FGF3: variants seen among roughly 807,000 people sequenced by gnomAD.
FGF3 encodes the protein FGF-3.
FGF3 carries 7 observed loss-of-function variants against 9.8 expected under a neutral mutation model. That is an observed-to-expected ratio of 0.72 (90% CI 0.41 to 1.35). FGF3 has a LOEUF of 1.35. Ranked by LOEUF, FGF3 falls within the 40% of genes most tolerant of loss-of-function variation. The probability of loss-of-function intolerance (pLI) is 0.01; values close to 1 mark genes in which losing one functional copy is unlikely to be tolerated. For missense variants in FGF3, 390 were observed against 345.6 expected (o/e 1.13, Z -1.02); for synonymous variants, 173 against 157.2 (o/e 1.10, Z -0.75).
At position 69,818,703 on chromosome 11, in the gene FGF3, CCGGCACTCACTGTAGGCGCT is replaced by C; in HGVS notation, c.211_220+10del. Reference sequence around the variant, plus strand: ...CGCTTCCCCCGGGGCCCCGCAGCGTCCGGCACTCACTGTAGGCGCTGTTCTCCAGGCTGCCGTTGACGCGG... The same window carrying C: ...CGCTTCCCCCGGGGCCCCGCAGCGTCGTTCTCCAGGCTGCCGTTGACGCGG... On this transcript the variant is annotated splice_donor_variant and splice_donor_5th_base_variant and coding_sequence_variant and intron_variant, in exon 1 of 3. Transcript: ENST00000334134. LOFTEE classifies it high-confidence loss of function. 6.8e-7 allele frequency: 1 copy of C among 1,475,868 alleles called. No individual in the cohort carries two copies. Among genetic ancestry groups the C allele is most frequent in the Non-Finnish European group, 8.9e-7 (1 of 1,119,408 alleles). 91.4% of individuals were successfully genotyped at this position (1,475,868 alleles called of 1,614,324 possible). A position where few individuals can be genotyped will look rare whatever the true frequency, so the allele number is the denominator to read the frequency against.
Position 69,810,597 on chromosome 11 carries a change from G to T in FGF3, c.428C>A (p.Ala143Asp). 6.2e-7 allele frequency: 1 copy of T among 1,611,316 alleles called. No homozygotes were observed. Among genetic ancestry groups the T allele is most frequent in the South Asian group, 1.1e-5 (1 of 90,970 alleles). The change falls in exon 3 of 3, where the codon GCC becomes GAC. Residue 143 changes from alanine (A) to aspartate (D), a missense_variant. Transcript: ENST00000334134. Reference protein sequence around the residue: ...LYRTVSSTPGARRQPSAERLW... With the variant: ...LYRTVSSTPGDRRQPSAERLW... ...TCTCTCGGCGCTGGGCTGCCGGCGG[G>T]CCCCAGGCGTACTAGACACCGTCCG...
intron 1 of FGF3, among the ~76,000 whole-genome samples, chr11:69,816,874 G>A (rs1856142019): frequency 6.6e-6 from 1 of 152,200 alleles, no homozygotes; most frequent in African/African-American, 2.4e-5. Flanking sequence ...CCCAATGCCT[G>A]TGCCTGCCAG....
At chr11:69,812,216 C>A (rs1856040720) in intron 2 of FGF3, among the ~76,000 whole-genome samples, 1 of 152,124 alleles carries the variant, frequency 6.6e-6, no homozygotes, top group South Asian at 2.1e-4. Context: ...GGTCTGTCCC[C>A]ATCTGGGGTG....
intron 2 of FGF3, among the ~76,000 whole-genome samples, chr11:69,812,434 C>T (rs930627289): frequency 1.3e-5 from 2 of 152,114 alleles, no homozygotes; most frequent in Non-Finnish European, 2.9e-5. Context: ...CCCCAAGCCC[C>T]CCTGCTCTCC....
chr11:69,815,783 C>A (rs1856121896), intron 2 of FGF3, among the ~76,000 whole-genome samples: 1 of 152,164 alleles, frequency 6.6e-6, no homozygotes, highest in East Asian at 1.9e-4. Flanking sequence ...AGTAGATAGA[C>A]TGGGTCCCAA....
At position 69,819,040 on chromosome 11, in the gene FGF3, G is replaced by A. The variant is rs1856195024; in HGVS notation, c.-107C>T. On this transcript the variant is annotated 5_prime_UTR_variant, in exon 1 of 3. Transcript: ENST00000334134. ...CGAGGTGCTCGGAGCGGGATCCCGC[G>A]CCTGGAGATGCTGACTCCGGCTTCG... 3 of 643,802 alleles carry A rather than the reference G, an allele frequency of 4.7e-6. No individual in the cohort carries two copies. Among genetic ancestry groups the A allele is most frequent in the Non-Finnish European group, 7.2e-6 (3 of 417,462 alleles). 39.9% of individuals were successfully genotyped at this position (643,802 alleles called of 1,614,324 possible). A position where few individuals can be genotyped will look rare whatever the true frequency, so the allele number is the denominator to read the frequency against.
Position 69,810,599 on chromosome 11 carries a change from C to G in FGF3, c.426G>C (p.Gly142=), listed in dbSNP as rs1554980364. Residue 142 remains glycine (G), a synonymous_variant, in exon 3 of 3, where the codon GGG becomes GGC. Transcript: ENST00000334134. ...RLYRTVSSTP[G]ARRQPSAERL... ...TCTCGGCGCTGGGCTGCCGGCGGGCCCCAGGCGTACTAGACACCGTCCGGT... is the reference window on the plus strand; with the variant it reads ...TCTCGGCGCTGGGCTGCCGGCGGGCGCCAGGCGTACTAGACACCGTCCGGT... The G allele has an allele frequency of 1.2e-6, 2 of 1,611,062 alleles. No homozygotes were observed. Among genetic ancestry groups the G allele is most frequent in the African/African-American group, 2.7e-5 (2 of 74,892 alleles).
chr11:69,810,243 G>C lies in FGF3; in HGVS notation c.*62C>G. On this transcript the variant is annotated 3_prime_UTR_variant, in exon 3 of 3. Transcript: ENST00000334134. ...GGCAAGGGCTCAAGGAGGAGAGTCA[G>C]AGTCAAGAGGCTGCCACGCCAAGAT... 6.9e-7 allele frequency: 1 copy of C among 1,442,502 alleles called. No individual in the cohort carries two copies. The highest frequency in any genetic ancestry group is 2.5e-5 in the East Asian group (1 of 40,024). The allele number at this position is 1,442,502 out of a possible 1,614,324, so 89.4% of individuals were successfully genotyped here.
Position 69,810,199 on chromosome 11 carries a change from C to A in FGF3, c.*106G>T. 12 of 1,134,720 alleles carry A rather than the reference C, an allele frequency of 1.1e-5. 1 individual carries two copies. In the South Asian group the frequency reaches 1.9e-4, roughly 18 times the overall value. 70.3% of individuals were successfully genotyped at this position (1,134,720 alleles called of 1,614,324 possible). A position where few individuals can be genotyped will look rare whatever the true frequency, so the allele number is the denominator to read the frequency against. On this transcript the variant is annotated 3_prime_UTR_variant, in exon 3 of 3. Coordinates refer to ENST00000334134, the MANE Select transcript of FGF3 (RefSeq NM_005247.4). ...AGCTGGCTCTGGAAATAGCTGAGAA[C>A]CCAGACGCGGGACGCAGGGGCAAGG... is the stretch of plus-strand genomic sequence containing the variant.
rs782813347 is a variant in FGF3, at chr11:69,818,875, C to A, written c.59G>T (p.Gly20Val). Residue 20 changes from glycine (G) to valine (V), a missense_variant, in exon 1 of 3, where the codon GGC becomes GTC. Coordinates refer to ENST00000334134, the MANE Select transcript of FGF3 (RefSeq NM_005247.4). ...SLLEPGWPAAGPGARLRRDAG... is the reference protein window; with the variant it reads ...SLLEPGWPAAVPGARLRRDAG... ...ATCGCGCCGCAACCGCGCCCCAGGG[C>A]CCGCTGCGGGCCAGCCGGGCTCCAG... The A allele has an allele frequency of 6.8e-7, 1 of 1,463,722 alleles. No individual in the cohort carries two copies. The highest frequency in any genetic ancestry group is 9.0e-7 in the Non-Finnish European group (1 of 1,114,128). The allele number at this position is 1,463,722 out of a possible 1,614,324, so 90.7% of individuals were successfully genotyped here.
chr11:69,816,242 A>G, intron 2 of FGF3, 78 bp downstream of exon 2: 4 of 1,141,990 alleles, frequency 3.5e-6, no homozygotes, highest in Non-Finnish European at 5.3e-6. Context: ...TACTGCCCAC[A>G]TCCCCCGTCC....
rs1565114969 is a variant in FGF3, at chr11:69,813,764, ATGGG to A, written c.324+2552_324+2555del. Among the ~76,000 whole-genome samples the A allele has an allele frequency of 6.0e-4, 61 of 102,440 alleles. 1 individual carries two copies. Among genetic ancestry groups the A allele is most frequent in the African/African-American group, 1.8e-3 (46 of 25,472 alleles). 67.2% of individuals were successfully genotyped at this position (102,440 alleles called of 152,430 possible). A position where few individuals can be genotyped will look rare whatever the true frequency, so the allele number is the denominator to read the frequency against. On this transcript the variant is annotated intron_variant, in intron 2 of 2. Coordinates refer to ENST00000334134, the MANE Select transcript of FGF3 (RefSeq NM_005247.4). ...GATGGCTGGATGGATGGATGGGTGG[ATGGG>A]TGGATGGATGGATGGATGGATGGAT...
At position 69,819,029 on chromosome 11, in the gene FGF3, C is replaced by A; in HGVS notation, c.-96G>T. ...CCGGACAGCTGCGAGGTGCTCGGAG[C>A]GGGATCCCGCGCCTGGAGATGCTGA... is the stretch of plus-strand genomic sequence containing the variant. On this transcript the variant is annotated 5_prime_UTR_variant, in exon 1 of 3. Coordinates refer to ENST00000334134, the MANE Select transcript of FGF3 (RefSeq NM_005247.4). 1 of 733,942 alleles carries A rather than the reference C, an allele frequency of 1.4e-6. No homozygotes were observed. The highest frequency in any genetic ancestry group is 2.0e-6 in the Non-Finnish European group (1 of 500,446). The allele number at this position is 733,942 out of a possible 1,614,324, so 45.5% of individuals were successfully genotyped here.
rs2119942480 is a variant in FGF3 at position 69,819,216 on chromosome 11, A to G, written c.-283T>C. On this transcript the variant is annotated 5_prime_UTR_variant, in exon 1 of 3. Transcript: ENST00000334134. ...CGTTGCTGCGCAAAGCGCTGAAAGAAAGGACGGTTCGCCAACAAAAGGCCG... is the reference window on the plus strand; with the variant it reads ...CGTTGCTGCGCAAAGCGCTGAAAGAGAGGACGGTTCGCCAACAAAAGGCCG... 6.6e-6 allele frequency among the ~76,000 whole-genome samples: 1 copy of G among 152,126 alleles called. No individual in the cohort carries two copies. Among genetic ancestry groups the G allele is most frequent in the African/African-American group, 2.4e-5 (1 of 41,544 alleles).
intron 2 of FGF3, 41 bp from the exon 3 acceptor site, chr11:69,810,741 T>TTCATTC: frequency 1.3e-6 from 2 of 1,500,914 alleles, no homozygotes; most frequent in South Asian, 2.7e-5. Flanking sequence ...CCGGGGAGAC[T>TTCATTC]GTGGCAGCGT....
chr11:69,816,531 TA>T, intron 1 of FGF3, 108 bp from the exon 2 acceptor site: 2 of 788,710 alleles, frequency 2.5e-6, no homozygotes, highest in Non-Finnish European at 4.4e-6. Context: ...CTGGGGAGGG[TA>T]GCACACACCC....
At chr11:69,810,868 A>C (rs1856019693) in intron 2 of FGF3, among the ~76,000 whole-genome samples, 168 bp from the exon 3 acceptor site, 1 of 152,210 alleles carries the variant, frequency 6.6e-6, no homozygotes, top group African/African-American at 2.4e-5. Flanking sequence ...CCCTCTGCCC[A>C]GCATGTCCTT....
At chr11:69,813,832 G>GGTTGGCTGGATGGA (rs1565115061) in intron 2 of FGF3, among the ~76,000 whole-genome samples, 2 of 112,136 alleles carry the variant, frequency 1.8e-5, no homozygotes, top group Non-Finnish European at 3.9e-5. Context: ...GGGTGGATGG[G>GGTTGGCTGGATGGA]TGGATGGCTG....
At chr11:69,811,793 C>T (rs1856035940) in intron 2 of FGF3, among the ~76,000 whole-genome samples, 2 of 152,222 alleles carry the variant, frequency 1.3e-5, no homozygotes, top group African/African-American at 4.8e-5. Flanking sequence ...GAGGACACCT[C>T]TTTGTCATCA....
Sources: gnomAD v4.1 joint callset for allele counts (sites outside exome capture counted in the v4.1 genomes callset) on GRCh38, gnomAD v4.1.1 for gene constraint, MANE v1.5 for transcripts, NCBI Gene and HGNC (gene_info 2026-07-23, HGNC 2026-07-21) for gene names.